DOCK4: variants seen among roughly 807,000 people sequenced by gnomAD.
DOCK4 encodes the protein dedicator of cytokinesis 4, also known as dedicator of cytokinesis protein 4.
DOCK4 carries 97 observed loss-of-function variants against 268.1 expected under a neutral mutation model. The observed-to-expected ratio is 0.36, with a 90% CI of 0.31 to 0.43. The LOEUF (loss-of-function observed/expected upper bound fraction) is 0.43. DOCK4 is among the 20% of genes least tolerant of loss of function. DOCK4 has a pLI of 1.00. For synonymous variants in DOCK4, 954 were observed against 887.2 expected (o/e 1.08, Z -1.34); for missense variants, 2,145 against 2,455.7 (o/e 0.87, Z 2.67).
At chr7:111,834,084 T>C (rs10258302) in intron 26 of DOCK4, among the ~76,000 whole-genome samples, 2,393 of 152,324 alleles carry the variant, frequency 0.016, 59 homozygotes, top group African/African-American at 0.054. Context: ...CCTTATTTCC[T>C]ATTTAATGTC....
intron 1 of DOCK4, among the ~76,000 whole-genome samples, chr7:112,123,209 A>C (rs1356233592): frequency 1.3e-5 from 2 of 152,196 alleles, no homozygotes; most frequent in Non-Finnish European, 2.9e-5. Context: ...TCTTGGTCTA[A>C]TAAGATGGAG....
chr7:111,914,129 T>G (rs1562879962), intron 13 of DOCK4, among the ~76,000 whole-genome samples: 1 of 152,278 alleles, frequency 6.6e-6, no homozygotes, highest in East Asian at 1.9e-4. Context: ...CTCTCCATGC[T>G]GCATTCTCCA....
intron 51 of DOCK4, among the ~76,000 whole-genome samples, chr7:111,734,522 G>A (rs1795330933): frequency 6.6e-6 from 1 of 152,206 alleles, no homozygotes; most frequent in African/African-American, 2.4e-5. Flanking sequence ...CTGAGGGGAT[G>A]CGGTACCCTG....
At chr7:112,016,358 C>G (rs1801805129) in intron 1 of DOCK4, among the ~76,000 whole-genome samples, 1 of 152,098 alleles carries the variant, frequency 6.6e-6, no homozygotes, top group Admixed American at 6.5e-5. Context: ...ATGGTGTGCC[C>G]TGCTTGGTGT....
intron 22 of DOCK4, 36 bp downstream of exon 22, chr7:111,867,948 G>A (rs757145667): frequency 1.8e-5 from 27 of 1,479,826 alleles, no homozygotes; most frequent in African/African-American, 6.0e-5. Flanking sequence ...TGCACTTATC[G>A]TTTTCTTCTA....
chr7:111,865,684 T>A (rs2188809), intron 22 of DOCK4, among the ~76,000 whole-genome samples: 50,445 of 152,090 alleles, frequency 0.33, 8,538 homozygotes, highest in African/African-American at 0.39. Context: ...AATATGGAGA[T>A]TTATCCAGGT....
chr7:111,812,989 T>C (rs770026058), intron 27 of DOCK4, among the ~76,000 whole-genome samples: 29 of 152,222 alleles, frequency 1.9e-4, no homozygotes, highest in Non-Finnish European at 3.1e-4. Context: ...TGCAATTTGT[T>C]CAAAATCTGC....
chr7:111,754,930 T>C (rs1796920571), intron 42 of DOCK4, among the ~76,000 whole-genome samples: 2 of 152,236 alleles, frequency 1.3e-5, no homozygotes, highest in Non-Finnish European at 2.9e-5. Flanking sequence ...ACGGACTTAC[T>C]GTGCATCGGG....
intron 1 of DOCK4, among the ~76,000 whole-genome samples, chr7:112,156,197 C>G (rs368632757): frequency 2.2e-4 from 33 of 152,282 alleles, no homozygotes; most frequent in African/African-American, 7.9e-4. Context: ...ACCAAACTCT[C>G]AGGATGGCCT....
At chr7:111,735,262 A>AAACTT (rs2133390073) in intron 50 of DOCK4, 95 bp from the exon 51 acceptor site, 3 of 804,620 alleles carry the variant, frequency 3.7e-6, no homozygotes, top group South Asian at 4.1e-5. Context: ...CCAGAATGAA[A>AAACTT]AACTTAACTG....
chr7:112,078,981 G>T (rs1202057983), intron 1 of DOCK4, among the ~76,000 whole-genome samples: 1 of 152,038 alleles, frequency 6.6e-6, no homozygotes, highest in Non-Finnish European at 1.5e-5. Flanking sequence ...CAAAAAATTA[G>T]CCGGGTATGG....
chr7:111,901,288 C>T (rs1176526652), intron 14 of DOCK4, among the ~76,000 whole-genome samples: 1 of 123,754 alleles, frequency 8.1e-6, no homozygotes, highest in Non-Finnish European at 1.6e-5. Flanking sequence ...GAGTGGAGAT[C>T]ATACTACTGC....
At chr7:112,078,186 T>C (rs1808255657) in intron 1 of DOCK4, among the ~76,000 whole-genome samples, 2 of 152,136 alleles carry the variant, frequency 1.3e-5, no homozygotes, top group African/African-American at 4.8e-5. Context: ...ATCTCTCATG[T>C]TTTTTTAAAT....
At chr7:112,166,626 A>C (rs995244285) in intron 1 of DOCK4, among the ~76,000 whole-genome samples, 6 of 152,178 alleles carry the variant, frequency 3.9e-5, no homozygotes, top group African/African-American at 1.4e-4. Flanking sequence ...AATTCTCTCA[A>C]GGGAATTGGA....
chr7:111,772,812 AC>A (rs1427032691), intron 36 of DOCK4, among the ~76,000 whole-genome samples: 2 of 151,546 alleles, frequency 1.3e-5, no homozygotes, highest in African/African-American at 2.4e-5. Context: ...CAAAAACAAA[AC>A]CCCCCAAAAA....
At chr7:111,995,293 A>C (rs891639883) in intron 4 of DOCK4, among the ~76,000 whole-genome samples, 21 of 152,036 alleles carry the variant, frequency 1.4e-4, no homozygotes, top group African/African-American at 4.6e-4. Context: ...AGCCTCCCAA[A>C]GTGCTGGGAT....
intron 8 of DOCK4, among the ~76,000 whole-genome samples, chr7:111,946,319 C>G (rs1045757375): frequency 6.6e-6 from 1 of 152,096 alleles, no homozygotes. Context: ...GGTCAACAAA[C>G]GAACAGAAGA....
chr7:112,147,131 T>C (rs546531585), intron 1 of DOCK4, among the ~76,000 whole-genome samples: 1 of 152,264 alleles, frequency 6.6e-6, no homozygotes, highest in South Asian at 2.1e-4. Flanking sequence ...TATAATAATG[T>C]TTATAGATAT....
intron 35 of DOCK4, among the ~76,000 whole-genome samples, chr7:111,779,081 A>AT (rs1235829352): frequency 1.3e-5 from 2 of 151,802 alleles, no homozygotes; most frequent in African/African-American, 4.8e-5. Context: ...ATCTCTAAAA[A>AT]AAAAAAATAA....
Sources: gnomAD v4.1 joint callset for allele counts (sites outside exome capture counted in the v4.1 genomes callset) on GRCh38, gnomAD v4.1.1 for gene constraint, MANE v1.5 for transcripts, NCBI Gene and HGNC (gene_info 2026-07-23, HGNC 2026-07-21) for gene names.